The following EIF4G3 variants were observed in gnomAD, a reference collection of about 807,000 sequenced individuals.
The protein encoded by EIF4G3 is eukaryotic translation initiation factor 4 gamma 3.
Under a neutral mutation model 186.4 loss-of-function variants are expected in EIF4G3, and 34 were observed. The observed-to-expected ratio is 0.18, with a 90% confidence interval of 0.14 to 0.24. The LOEUF (loss-of-function observed/expected upper bound fraction) is 0.24. EIF4G3 is among the 10% of genes least tolerant of loss of function. The pLI is 1.00. For synonymous variants in EIF4G3, 673 were observed against 679.5 expected (o/e 0.99, Z 0.15); for missense variants, 1,536 against 1,948.5 (o/e 0.79, Z 3.99).
At chr1:20,952,743 G>A (rs1464118285) in intron 12 of EIF4G3, among the ~76,000 whole-genome samples, 2 of 152,054 alleles carry the variant, frequency 1.3e-5, no homozygotes, top group African/African-American at 2.4e-5. Flanking sequence ...CCAGCTATTC[G>A]GGAGGCTGAG....
At chr1:21,143,243 C>T (rs768465597) in intron 2 of EIF4G3, among the ~76,000 whole-genome samples, 1 of 144,578 alleles carries the variant, frequency 6.9e-6, no homozygotes, top group African/African-American at 2.6e-5. Context: ...AGTGAGAATT[C>T]GTCAAGAAAG....
chr1:21,047,993 A>G (rs570754858), intron 4 of EIF4G3, among the ~76,000 whole-genome samples: 1 of 152,290 alleles, frequency 6.6e-6, no homozygotes, highest in Non-Finnish European at 1.5e-5. Context: ...CATTCATTAG[A>G]TTAGGCAAAA....
chr1:21,131,403 AG>A (rs1340545308), intron 2 of EIF4G3, among the ~76,000 whole-genome samples: 1 of 151,690 alleles, frequency 6.6e-6, no homozygotes, highest in African/African-American at 2.4e-5. Flanking sequence ...AGAAGAAAAA[AG>A]AGACTAAAAA....
At chr1:21,024,458 G>GGTGGGGAAAA (rs550596364) in intron 4 of EIF4G3, among the ~76,000 whole-genome samples, 4,697 of 152,260 alleles carry the variant, frequency 0.031, 127 homozygotes, top group Non-Finnish European at 0.046. Flanking sequence ...AGGGGGGAAA[G>GGTGGGGAAAA]GTGGGGAAAA....
In EIF4G3 at chr1:21,007,570, T is replaced by C. The variant is rs988191413; in HGVS notation, c.-66-4762A>G. On this transcript the variant is annotated intron_variant, in intron 4 of 36. Coordinates refer to ENST00000602326, the MANE Select transcript of EIF4G3 (RefSeq NM_001391906.1). Reference sequence around the variant, plus strand: ...AAAAACAAAAAAACTGGAAATATTCTAAATGTCTATATATAAAAAAGGTGA... The same window carrying C: ...AAAAACAAAAAAACTGGAAATATTCCAAATGTCTATATATAAAAAAGGTGA... Among the ~76,000 whole-genome samples, 18 of 53,600 alleles carry C rather than the reference T, an allele frequency of 3.4e-4. 1 individual carries two copies. The highest frequency in any genetic ancestry group is 8.4e-4 in the Non-Finnish European group (17 of 20,218). 35.2% of individuals were successfully genotyped at this position (53,600 alleles called of 152,430 possible). A position where few individuals can be genotyped will look rare whatever the true frequency, so the allele number is the denominator to read the frequency against.
chr1:21,123,327 C>T (rs2096960340), intron 2 of EIF4G3, among the ~76,000 whole-genome samples: 2 of 151,932 alleles, frequency 1.3e-5, no homozygotes, highest in Admixed American at 1.3e-4. Context: ...CTGTGGGAGG[C>T]CGAGATGAGC....
chr1:20,881,715 G>C (rs1197462759), intron 19 of EIF4G3, among the ~76,000 whole-genome samples: 1 of 152,008 alleles, frequency 6.6e-6, no homozygotes, highest in Non-Finnish European at 1.5e-5. Context: ...TGAGCCAGGG[G>C]AGGCTGAGGT....
rs1472920463 is a variant in EIF4G3 at position 20,970,028 on chromosome 1, A to G, written c.592-432T>C. Among the ~76,000 whole-genome samples the G allele has an allele frequency of 2.6e-5, 4 of 151,992 alleles. No homozygotes were observed. In the East Asian group the frequency reaches 5.8e-4, roughly 22 times the overall value. ...ACCCAGGCTGGAGTGCAGTGGCGCA[A>G]TCTCGGCTCACTGCAATCTCCGCCA... is the stretch of plus-strand genomic sequence containing the variant. On this transcript the variant is annotated intron_variant, in intron 11 of 36. Coordinates refer to ENST00000602326, the MANE Select transcript of EIF4G3 (RefSeq NM_001391906.1).
intron 4 of EIF4G3, chr1:21,003,772 GATC>G: frequency 2.2e-6 from 1 of 445,116 alleles, no homozygotes; most frequent in Non-Finnish European, 4.4e-6. Flanking sequence ...CCTGCTCTCT[GATC>G]ATCAATGATT....
At chr1:21,128,711 T>C (rs562140373) in intron 2 of EIF4G3, among the ~76,000 whole-genome samples, 1 of 152,308 alleles carries the variant, frequency 6.6e-6, no homozygotes, top group South Asian at 2.1e-4. Context: ...ATGCCTTGAT[T>C]TCCTAAATCT....
chr1:20,930,486 C>G, intron 14 of EIF4G3, among the ~76,000 whole-genome samples: 1 of 152,112 alleles, frequency 6.6e-6, no homozygotes, highest in South Asian at 2.1e-4. Context: ...CTTTGCTTAC[C>G]CATGAAGAAG....
At chr1:21,172,042 C>T (rs2097986814) in intron 2 of EIF4G3, among the ~76,000 whole-genome samples, 1 of 149,744 alleles carries the variant, frequency 6.7e-6, no homozygotes, top group East Asian at 2.0e-4. Flanking sequence ...ACACTAATTC[C>T]TTAGATTATG....
intron 3 of EIF4G3, among the ~76,000 whole-genome samples, chr1:21,087,957 A>G (rs1458736360): frequency 6.6e-6 from 1 of 151,954 alleles, no homozygotes; most frequent in Non-Finnish European, 1.5e-5. Flanking sequence ...ATTAGCATGC[A>G]CAGTAGCATG....
chr1:21,089,790 CT>C (rs2101190233), intron 2 of EIF4G3, among the ~76,000 whole-genome samples: 1 of 150,854 alleles, frequency 6.6e-6, no homozygotes, highest in South Asian at 2.1e-4. Context: ...GAGACAGGAA[CT>C]GCCAGAAATT....
intron 29 of EIF4G3, chr1:20,847,843 C>A (rs761646145): frequency 4.2e-6 from 2 of 471,568 alleles, no homozygotes; most frequent in East Asian, 6.9e-5. Flanking sequence ...CCTTCTACTT[C>A]TTCTGAATTT....
chr1:21,053,202 G>A (rs1487408360), intron 3 of EIF4G3, among the ~76,000 whole-genome samples: 2 of 151,946 alleles, frequency 1.3e-5, no homozygotes, highest in African/African-American at 4.8e-5. Context: ...CACCCCGTCT[G>A]GGATGTGAGG....
chr1:20,947,780 T>G (rs999638944), intron 13 of EIF4G3, among the ~76,000 whole-genome samples: 7 of 152,218 alleles, frequency 4.6e-5, no homozygotes, highest in Non-Finnish European at 7.3e-5. Context: ...CTGAATACTT[T>G]CCAATTAAGC....
chr1:20,859,063 CT>C (rs2075760901), intron 24 of EIF4G3, among the ~76,000 whole-genome samples: 1 of 152,214 alleles, frequency 6.6e-6, no homozygotes, highest in Admixed American at 6.5e-5. Flanking sequence ...AAAAGCTTTT[CT>C]GGTCCTAACA....
At chr1:21,129,422 C>T (rs2320817) in intron 2 of EIF4G3, among the ~76,000 whole-genome samples, 143,359 of 152,222 alleles carry the variant, frequency 0.94, 68,100 homozygotes, top group East Asian at 1. Context: ...TTGGTAAGTA[C>T]GACATTCACT....
Sources: allele counts gnomAD v4.1 joint callset (sites outside exome capture counted in the v4.1 genomes callset), GRCh38; gene constraint gnomAD v4.1.1; transcripts MANE v1.5; gene names NCBI Gene and HGNC (gene_info 2026-07-23, HGNC 2026-07-21).